ELK4: variants seen among roughly 807,000 people sequenced by gnomAD.
ELK4 encodes the protein ETS transcription factor ELK4.
ELK4 carries 16 observed loss-of-function variants against 29.6 expected under a neutral mutation model. That is an observed-to-expected ratio of 0.54 (90% CI 0.37 to 0.82). ELK4 has a LOEUF of 0.82. ELK4 is among the 40% of genes least tolerant of loss of function. The pLI is 0.00. For missense variants in ELK4, 465 were observed against 507.1 expected (o/e 0.92, Z 0.80); for synonymous variants, 213 against 191.1 (o/e 1.11, Z -0.95).
rs1401730943 is a variant in ELK4, at chr1:205,612,986, C to T, written c.*3560G>A. ...AAACTCATATTTTAACTCTAAGAAG[C>T]TTACGGTTGACCTTTCAAGGGCCTC... On this transcript the variant is annotated 3_prime_UTR_variant, in exon 5 of 5. Transcript: ENST00000357992. The T allele has an allele frequency of 9.7e-6, 2 of 206,196 alleles. No homozygotes were observed. The highest frequency in any genetic ancestry group is 2.0e-5 in the Non-Finnish European group (2 of 101,732). The allele number at this position is 206,196 out of a possible 1,614,324, so 12.8% of individuals were successfully genotyped here.
rs955889446 is a variant in ELK4 at position 205,608,242 on chromosome 1, C to A, written c.*8304G>T. On this transcript the variant is annotated 3_prime_UTR_variant, in exon 5 of 5. Coordinates refer to ENST00000357992, the MANE Select transcript of ELK4 (RefSeq NM_001973.4). ...GATCACCTGATTGGTCAGAGCAACC[C>A]CTTACTATGTCTGGAGATGCACTGA... is the stretch of plus-strand genomic sequence containing the variant. 2 of 183,722 alleles carry A rather than the reference C, an allele frequency of 1.1e-5. No homozygotes were observed. Among genetic ancestry groups the A allele is most frequent in the Non-Finnish European group, 2.3e-5 (2 of 86,862 alleles). 11.4% of individuals were successfully genotyped at this position (183,722 alleles called of 1,614,324 possible).
chr1:205,625,468 C>T (rs1308568827), intron 1 of ELK4: 8 of 658,422 alleles, frequency 1.2e-5, no homozygotes, highest in East Asian at 2.8e-5. Flanking sequence ...CTAGTTCAGC[C>T]GGGTTCCCAA....
At chr1:205,626,093 A>G (rs1404975470) in intron 1 of ELK4, 9 of 922,532 alleles carry the variant, frequency 9.8e-6, no homozygotes, top group African/African-American at 9.7e-5. Context: ...TCTACCAGGA[A>G]CACCATGAAG....
At chr1:205,621,759 T>C (rs563424181) in intron 2 of ELK4, among the ~76,000 whole-genome samples, 120 of 151,850 alleles carry the variant, frequency 7.9e-4, no homozygotes, top group African/African-American at 2.7e-3. Context: ...CCTCAACTGA[T>C]CCACCCACCC....
chr1:205,624,443 A>G (rs1321114337), intron 1 of ELK4, among the ~76,000 whole-genome samples: 3 of 152,082 alleles, frequency 2.0e-5, no homozygotes, highest in Non-Finnish European at 4.4e-5. Context: ...CTTTTGCTCC[A>G]ACTGGTTTCC....
At chr1:205,623,002 T>TA (rs1350802869) in intron 2 of ELK4, among the ~76,000 whole-genome samples, 1 of 151,100 alleles carries the variant, frequency 6.6e-6, no homozygotes, top group African/African-American at 2.4e-5. Context: ...AAATAAATAA[T>TA]AAAAAATTAG....
Position 205,610,180 on chromosome 1 carries a change from C to A in ELK4, c.*6366G>T. On this transcript the variant is annotated 3_prime_UTR_variant, in exon 5 of 5. Coordinates refer to ENST00000357992, the MANE Select transcript of ELK4 (RefSeq NM_001973.4). ...GGAAACCCCCACCTCCTCCCCGACC[C>A]CATCCAGAAGATCCCAGGCCTATGT... The A allele has an allele frequency of 4.3e-6, 1 of 232,116 alleles. No homozygotes were observed. Among genetic ancestry groups the A allele is most frequent in the Non-Finnish European group, 8.5e-6 (1 of 117,340 alleles). 14.4% of individuals were successfully genotyped at this position (232,116 alleles called of 1,614,324 possible). A position where few individuals can be genotyped will look rare whatever the true frequency, so the allele number is the denominator to read the frequency against.
At chr1:205,630,458 C>G (rs562464453) in intron 1 of ELK4, among the ~76,000 whole-genome samples, 1 of 152,150 alleles carries the variant, frequency 6.6e-6, no homozygotes, top group South Asian at 2.1e-4. Context: ...TAGCTAAGAC[C>G]CAAAAAAACA....
chr1:205,611,701 A>G lies in ELK4; in HGVS notation c.*4845T>C. ...GATGACACACTACATCATGAGTAGTATTTTAACTTTCCTATTGGTTTGGTA... is the reference window on the plus strand; with the variant it reads ...GATGACACACTACATCATGAGTAGTGTTTTAACTTTCCTATTGGTTTGGTA... On this transcript the variant is annotated 3_prime_UTR_variant, in exon 5 of 5. Coordinates refer to ENST00000357992, the MANE Select transcript of ELK4 (RefSeq NM_001973.4). The G allele has an allele frequency of 5.2e-6, 1 of 192,060 alleles. No homozygotes were observed. 11.9% of individuals were successfully genotyped at this position (192,060 alleles called of 1,614,324 possible). A position where few individuals can be genotyped will look rare whatever the true frequency, so the allele number is the denominator to read the frequency against.
intron 1 of ELK4, among the ~76,000 whole-genome samples, chr1:205,626,745 T>C (rs1670473123): frequency 6.6e-6 from 1 of 152,208 alleles, no homozygotes; most frequent in Non-Finnish European, 1.5e-5. Context: ...GAATGTAAAA[T>C]GGTGTAGCCA....
At chr1:205,619,467 C>G in intron 3 of ELK4, 2 of 1,066,592 alleles carry the variant, frequency 1.9e-6, no homozygotes, top group Non-Finnish European at 2.3e-6. Flanking sequence ...AAGACACCAG[C>G]ATGTTTGTTT....
At position 205,631,701 on chromosome 1, in the gene ELK4, C is replaced by G. The variant is rs775246924; in HGVS notation, c.-79G>C. 1,032 of 341,158 alleles carry G rather than the reference C, an allele frequency of 3.0e-3. 4 individuals are homozygous for G. Among genetic ancestry groups the G allele is most frequent in the Non-Finnish European group, 5.0e-3 (831 of 165,180 alleles). 21.1% of individuals were successfully genotyped at this position (341,158 alleles called of 1,614,324 possible). On this transcript the variant is annotated 5_prime_UTR_variant, in exon 1 of 5. Transcript: ENST00000357992. ...GATGCGCCTCTCCGCCCTCAGCCTC[C>G]TCCTCACGCTGGAAACTCGAGGACG...
chr1:205,623,570 C>T (rs34310773), intron 2 of ELK4, 106 bp downstream of exon 2: 140,094 of 1,296,260 alleles, frequency 0.11, 9,563 homozygotes, highest in East Asian at 0.32. Flanking sequence ...CCTCCTTGGC[C>T]TCCCAAAGTG....
rs1670597469 is a variant in ELK4 at position 205,631,792 on chromosome 1, C to G, written c.-170G>C. 1 of 175,122 alleles carries G rather than the reference C, an allele frequency of 5.7e-6. No individual in the cohort carries two copies. The allele number at this position is 175,122 out of a possible 1,614,324, so 10.8% of individuals were successfully genotyped here. On this transcript the variant is annotated 5_prime_UTR_variant, in exon 1 of 5. Coordinates refer to ENST00000357992, the MANE Select transcript of ELK4 (RefSeq NM_001973.4). ...GGCGGCGGCGGCCAAGCCGAGCCCG[C>G]CGGGTGCCCGCAGCCGCCCGCATCT...
At chr1:205,630,129 CCTT>C (rs1181575261) in intron 1 of ELK4, among the ~76,000 whole-genome samples, 1 of 151,508 alleles carries the variant, frequency 6.6e-6, no homozygotes, top group African/African-American at 2.4e-5. Flanking sequence ...ACTTGATTTT[CCTT>C]CTTACAGGAA....
intron 1 of ELK4, among the ~76,000 whole-genome samples, 160 bp from the exon 2 acceptor site, chr1:205,624,051 G>A (rs1210901543): frequency 6.6e-6 from 1 of 152,136 alleles, no homozygotes; most frequent in Non-Finnish European, 1.5e-5. Context: ...AGAAAAAACT[G>A]ATTCATAAGA....
rs1331824660 is a variant in ELK4 at position 205,609,582 on chromosome 1, T to G, written c.*6964A>C. On this transcript the variant is annotated 3_prime_UTR_variant, in exon 5 of 5. Transcript: ENST00000357992. The stretch of plus-strand genomic sequence containing the variant: ...TTCATAAAAATGCTACTCTACCACT[T>G]AAACAATAAATGTAAGCAATGAATG... The G allele has an allele frequency of 5.0e-6, 1 of 198,728 alleles. No individual in the cohort carries two copies. The highest frequency in any genetic ancestry group is 7.9e-5 in the East Asian group (1 of 12,712). The allele number at this position is 198,728 out of a possible 1,614,324, so 12.3% of individuals were successfully genotyped here.
chr1:205,609,948 C>T lies in ELK4; in HGVS notation c.*6598G>A, dbSNP rs746557257. On this transcript the variant is annotated 3_prime_UTR_variant, in exon 5 of 5. Transcript: ENST00000357992. ...CCAGAAAACATAAACAAGAAATAAA[C>T]CTTACTTCTCTGACCCTCAATATCC... 51 of 229,698 alleles carry T rather than the reference C, an allele frequency of 2.2e-4. No individual in the cohort carries two copies. Among genetic ancestry groups the T allele is most frequent in the Non-Finnish European group, 4.0e-4 (46 of 115,914 alleles). 14.2% of individuals were successfully genotyped at this position (229,698 alleles called of 1,614,324 possible). A position where few individuals can be genotyped will look rare whatever the true frequency, so the allele number is the denominator to read the frequency against.
intron 4 of ELK4, among the ~76,000 whole-genome samples, chr1:205,618,052 G>A (rs1670266784): frequency 2.0e-5 from 3 of 151,716 alleles, no homozygotes; most frequent in South Asian, 2.1e-4. Flanking sequence ...TTGAGACAAG[G>A]TCTCACTGTG....
Sources: gnomAD v4.1 joint callset for allele counts (sites outside exome capture counted in the v4.1 genomes callset) on GRCh38, gnomAD v4.1.1 for gene constraint, MANE v1.5 for transcripts, NCBI Gene and HGNC (gene_info 2026-07-23, HGNC 2026-07-21) for gene names.